The following EVC variants were observed in gnomAD, a reference collection of about 807,000 sequenced individuals.
The protein encoded by EVC is evC complex member EVC.
In EVC, 116 loss-of-function variants were observed where a neutral mutation model predicts 118.9. The ratio of observed to expected loss-of-function variants is 0.98; its 90% CI spans 0.84 to 1.14. The LOEUF (loss-of-function observed/expected upper bound fraction) is 1.14, where lower values mean the gene tolerates loss of function less well. Among genes scored for constraint, EVC ranks in the 50% most tolerant of loss-of-function variants. EVC has a pLI of 0.00. For missense variants in EVC, 1,401 were observed against 1,246.4 expected (o/e 1.12, Z -1.87); for synonymous variants, 619 against 534.7 (o/e 1.16, Z -2.18).
At chr4:5,734,819 C>T (rs1486982793) in intron 5 of EVC, among the ~76,000 whole-genome samples, 3 of 152,202 alleles carry the variant, frequency 2.0e-5, no homozygotes, top group Non-Finnish European at 4.4e-5. Flanking sequence ...CCTCTATCCC[C>T]AGCCCCATGG....
chr4:5,750,806 A>C (rs1203496115), intron 8 of EVC, among the ~76,000 whole-genome samples: 1 of 152,176 alleles, frequency 6.6e-6, no homozygotes, highest in Non-Finnish European at 1.5e-5. Flanking sequence ...ATGCATGGAC[A>C]GGGCTACACA....
At chr4:5,784,571 A>T (rs1236752638) in intron 12 of EVC, among the ~76,000 whole-genome samples, 4 of 151,834 alleles carry the variant, frequency 2.6e-5, no homozygotes, top group Non-Finnish European at 5.9e-5. Context: ...GCAATGTGGA[A>T]CAGCAGCAAT....
chr4:5,821,754 C>A, the EVC span: 17 of 1,605,798 alleles, frequency 1.1e-5, no homozygotes, highest in Non-Finnish European at 1.4e-5. The surrounding 1 kb of genome is among the most constrained non-coding windows in gnomAD (Gnocchi z 4.4). Context: ...CTCCGCGCAT[C>A]CACGTTCAAC....
intron 5 of EVC, among the ~76,000 whole-genome samples, chr4:5,740,781 T>C (rs1011976266): frequency 3.3e-5 from 5 of 152,024 alleles, no homozygotes; most frequent in Admixed American, 2.6e-4. Context: ...GGGAAGGACA[T>C]GAACAGATAT....
chr4:5,785,360 C>T (rs1736264201), intron 12 of EVC, among the ~76,000 whole-genome samples: 1 of 152,114 alleles, frequency 6.6e-6, no homozygotes, highest in South Asian at 2.1e-4. Flanking sequence ...TGCTTATTGT[C>T]AGAAACAAGC....
At position 5,804,507 on chromosome 4, in the gene EVC, G is replaced by C. The variant is rs532779781; in HGVS notation, c.2450-223G>C. On this transcript the variant is annotated intron_variant, in intron 16 of 20. Coordinates refer to ENST00000264956, the MANE Select transcript of EVC (RefSeq NM_153717.3). The stretch of plus-strand genomic sequence containing the variant: ...TCCTGATACAAGAAAGCTACAGGTG[G>C]AGCAGGTGGACAGGGCGCATCATAG... Among the ~76,000 whole-genome samples, 3 of 152,278 alleles carry C rather than the reference G, an allele frequency of 2.0e-5. No homozygotes were observed. In the South Asian group the frequency reaches 6.2e-4, roughly 32 times the overall value.
chr4:5,808,372 A>G, intron 18 of EVC, 45 bp downstream of exon 18: 1 of 1,613,748 alleles, frequency 6.2e-7, no homozygotes, highest in Non-Finnish European at 8.5e-7. Flanking sequence ...TGGTTTAAAG[A>G]GGAGCAGAAA....
rs914568635 is a variant in EVC at position 5,755,320 on chromosome 4, G to A, written c.1465-944G>A. ...AGGGCCTCGGTACAGTCCTCGGAAC[G>A]CCTCAGCGCTGGCGTTCAGGACACG... On this transcript the variant is annotated intron_variant, in intron 10 of 20. Transcript: ENST00000264956. The surrounding 1 kb of genome is among the most constrained non-coding windows in gnomAD (Gnocchi z 4.1). Among the ~76,000 whole-genome samples, 6 of 152,136 alleles carry A rather than the reference G, an allele frequency of 3.9e-5. No homozygotes were observed. The highest frequency in any genetic ancestry group is 6.5e-5 in the Admixed American group (1 of 15,268).
At chr4:5,793,766 TC>T in intron 13 of EVC, 49 bp downstream of exon 13, 1 of 1,415,834 alleles carries the variant, frequency 7.1e-7, no homozygotes, top group Non-Finnish European at 9.8e-7. Context: ...TGCATGATGC[TC>T]CCTCCAGCCT....
intron 12 of EVC, among the ~76,000 whole-genome samples, chr4:5,786,734 T>C (rs1711693922): frequency 6.6e-6 from 1 of 151,994 alleles, no homozygotes; most frequent in Non-Finnish European, 1.5e-5. Context: ...TAGCCAAGTG[T>C]GATGACAGGT....
intron 16 of EVC, among the ~76,000 whole-genome samples, chr4:5,802,772 G>A (rs575767517): frequency 1.1e-4 from 16 of 152,180 alleles, no homozygotes; most frequent in Admixed American, 2.6e-4. Context: ...TAATGTGAGC[G>A]ATGGGGAGCG....
intron 2 of EVC, among the ~76,000 whole-genome samples, chr4:5,720,143 C>G (rs907224532): frequency 2.0e-5 from 3 of 152,022 alleles, no homozygotes; most frequent in Non-Finnish European, 4.4e-5. Flanking sequence ...TTCTAGTCAC[C>G]TCCTTGTCCC....
At chr4:5,723,668 C>T (rs1445391586) in intron 2 of EVC, among the ~76,000 whole-genome samples, 1 of 152,094 alleles carries the variant, frequency 6.6e-6, no homozygotes, top group Non-Finnish European at 1.5e-5. Flanking sequence ...TTCCCTTGAG[C>T]AAATGTGTCT....
downstream of EVC, among the ~76,000 whole-genome samples, chr4:5,818,243 C>A (rs1239732220): frequency 1.3e-5 from 2 of 152,140 alleles, no homozygotes; most frequent in Non-Finnish European, 2.9e-5. Context: ...GAAGTTCTAG[C>A]CACGTGGAAC....
At chr4:5,774,424 T>A (rs541976099) in intron 11 of EVC, among the ~76,000 whole-genome samples, 5 of 152,176 alleles carry the variant, frequency 3.3e-5, no homozygotes, top group Admixed American at 6.5e-5. Context: ...TGCTGTGTGC[T>A]GTGAGCCAGC....
intron 13 of EVC, among the ~76,000 whole-genome samples, chr4:5,794,754 C>T (rs978068027): frequency 1.3e-5 from 2 of 151,992 alleles, no homozygotes; most frequent in Non-Finnish European, 2.9e-5. Context: ...TTTTATTTTT[C>T]AACTTTTATT....
chr4:5,769,317 C>T (rs115834506), intron 11 of EVC, among the ~76,000 whole-genome samples: 2,911 of 152,176 alleles, frequency 0.019, 109 homozygotes, highest in African/African-American at 0.067. Flanking sequence ...ATGGGAAAGA[C>T]CCACCCCAGT....
At chr4:5,720,459 G>A (rs1108760) in intron 2 of EVC, among the ~76,000 whole-genome samples, 14,873 of 152,184 alleles carry the variant, frequency 0.098, 926 homozygotes, top group Middle Eastern at 0.15. Context: ...AGAGTGCTGC[G>A]TCCCCACACC....
chr4:5,735,366 A>G (rs1236980336), intron 5 of EVC, among the ~76,000 whole-genome samples: 6 of 152,212 alleles, frequency 3.9e-5, no homozygotes, highest in Non-Finnish European at 2.9e-5. Flanking sequence ...CCTAGACCCT[A>G]GTCCACCCTT....
Sources: gnomAD v4.1 joint callset for allele counts (sites outside exome capture counted in the v4.1 genomes callset) on GRCh38, gnomAD v4.1.1 for gene constraint, Gnocchi (gnomAD v3.1) non-coding constraint, MANE v1.5 for transcripts, NCBI Gene and HGNC (gene_info 2026-07-23, HGNC 2026-07-21) for gene names.